CTNNA2: variants seen among roughly 807,000 people sequenced by gnomAD.
The protein encoded by CTNNA2 is catenin alpha 2, also known as catenin alpha-2.
In CTNNA2, 42 loss-of-function variants were observed where a neutral mutation model predicts 101.0. That is an observed-to-expected ratio of 0.42 (90% confidence interval 0.32 to 0.54). CTNNA2 has a LOEUF of 0.54. Among genes scored for constraint, CTNNA2 ranks in the 20% least tolerant of loss-of-function variants. The pLI is 0.14. For synonymous variants in CTNNA2, 450 were observed against 456.4 expected (o/e 0.99, Z 0.18); for missense variants, 871 against 1,223.1 (o/e 0.71, Z 4.29).
chr2:80,141,490 A>G (rs1434441525), intron 7 of CTNNA2, among the ~76,000 whole-genome samples: 1 of 152,080 alleles, frequency 6.6e-6, no homozygotes, highest in Non-Finnish European at 1.5e-5. Flanking sequence ...AAACCACCAA[A>G]GATAAATATC....
chr2:79,328,629 A>G (rs1676801667), intron 3 of CTNNA2, among the ~76,000 whole-genome samples: 4 of 152,290 alleles, frequency 2.6e-5, no homozygotes, highest in East Asian at 1.9e-4. Flanking sequence ...ACACTATTCA[A>G]TGAGGCATCC....
chr2:79,644,480 T>C (rs547613628), intron 1 of CTNNA2, among the ~76,000 whole-genome samples: 2 of 152,322 alleles, frequency 1.3e-5, no homozygotes, highest in Admixed American at 1.3e-4. Context: ...GTAAGATATT[T>C]ACAAGCATAA....
At chr2:79,758,249 C>T (rs767053894) in intron 3 of CTNNA2, among the ~76,000 whole-genome samples, 8 of 151,986 alleles carry the variant, frequency 5.3e-5, no homozygotes, top group Non-Finnish European at 8.8e-5. Flanking sequence ...AAAATGCATT[C>T]GATATAAACA....
intron 14 of CTNNA2, among the ~76,000 whole-genome samples, chr2:80,588,599 C>T (rs1696172097): frequency 6.6e-6 from 1 of 152,172 alleles, no homozygotes; most frequent in Admixed American, 6.5e-5. Flanking sequence ...ATTTTCTTAC[C>T]TAGCAGTTAT....
At chr2:79,280,740 C>T (rs1245510972) in intron 2 of CTNNA2, among the ~76,000 whole-genome samples, 1 of 148,164 alleles carries the variant, frequency 6.7e-6, no homozygotes, top group Non-Finnish European at 1.5e-5. Context: ...TGTTCTTTGC[C>T]ATCCACCCTT....
chr2:80,551,049 T>G (rs1692516343), intron 11 of CTNNA2, among the ~76,000 whole-genome samples: 1 of 152,216 alleles, frequency 6.6e-6, no homozygotes, highest in Admixed American at 6.5e-5. Context: ...ATACATCTGC[T>G]GCAGAATAGA....
intron 7 of CTNNA2, among the ~76,000 whole-genome samples, chr2:80,353,622 C>T (rs1287136203): frequency 6.6e-6 from 1 of 152,140 alleles, no homozygotes; most frequent in African/African-American, 2.4e-5. Flanking sequence ...ATGTTCTAGA[C>T]CTACCTCTGC....
At chr2:79,816,215 C>T in intron 3 of CTNNA2, among the ~76,000 whole-genome samples, 1 of 151,994 alleles carries the variant, frequency 6.6e-6, no homozygotes, top group South Asian at 2.1e-4. Flanking sequence ...GACAGTATGA[C>T]TTCCTCTTTA....
chr2:79,848,996 G>C (rs746343422), intron 3 of CTNNA2, among the ~76,000 whole-genome samples: 8 of 152,096 alleles, frequency 5.3e-5, no homozygotes, highest in Non-Finnish European at 7.4e-5. Context: ...ACCTGACCAC[G>C]GCACTTGGGC....
At chr2:80,133,250 G>A (rs567134335) in intron 7 of CTNNA2, among the ~76,000 whole-genome samples, 34 of 152,232 alleles carry the variant, frequency 2.2e-4, no homozygotes, top group African/African-American at 8.2e-4. Flanking sequence ...TGGAAGAGGC[G>A]AGGAAGGATT....
At chr2:80,040,987 A>G (rs1305295207) in intron 7 of CTNNA2, among the ~76,000 whole-genome samples, 2 of 151,976 alleles carry the variant, frequency 1.3e-5, no homozygotes, top group East Asian at 1.9e-4. Flanking sequence ...AATCCACACA[A>G]TGGAATATGG....
chr2:79,312,431 C>T (rs1483349943), intron 2 of CTNNA2, among the ~76,000 whole-genome samples: 1 of 152,072 alleles, frequency 6.6e-6, no homozygotes, highest in Non-Finnish European at 1.5e-5. Flanking sequence ...CTAACCACGC[C>T]GTTATTCTCA....
chr2:79,538,583 A>G (rs553713179), intron 1 of CTNNA2, among the ~76,000 whole-genome samples: 1 of 152,290 alleles, frequency 6.6e-6, no homozygotes, highest in African/African-American at 2.4e-5. Context: ...TTGAGAGTGG[A>G]AATAGCAGGT....
chr2:79,658,949 TTATA>T (rs1328789137), intron 2 of CTNNA2, among the ~76,000 whole-genome samples: 1 of 152,086 alleles, frequency 6.6e-6, no homozygotes, highest in Non-Finnish European at 1.5e-5. Context: ...AATTAGCACT[TTATA>T]TATTTTAAAA....
At chr2:79,776,850 G>A (rs938197417) in intron 3 of CTNNA2, 1 of 152,168 alleles carries the variant, frequency 6.6e-6, no homozygotes, top group African/African-American at 2.4e-5. Flanking sequence ...TTGCTAAAGA[G>A]CTCTGTCACA....
intron 1 of CTNNA2, among the ~76,000 whole-genome samples, chr2:79,546,156 T>A (rs1290274469): frequency 6.6e-6 from 1 of 152,144 alleles, no homozygotes; most frequent in Admixed American, 6.5e-5. Context: ...AGTGGTTTGT[T>A]TTTTTCATGT....
At chr2:79,783,497 A>T (rs192370419) in intron 3 of CTNNA2, among the ~76,000 whole-genome samples, 6 of 152,202 alleles carry the variant, frequency 3.9e-5, no homozygotes, top group African/African-American at 1.4e-4. Flanking sequence ...TTTATTCTTT[A>T]TACTTGGAAA....
At chr2:79,885,351 T>C (rs1683777512) in intron 6 of CTNNA2, among the ~76,000 whole-genome samples, 1 of 152,222 alleles carries the variant, frequency 6.6e-6, no homozygotes, top group Non-Finnish European at 1.5e-5. Flanking sequence ...TCAATTCTTA[T>C]TGTTCCTAGA....
chr2:80,395,906 A>G (rs1199478931), intron 8 of CTNNA2, among the ~76,000 whole-genome samples: 1 of 152,214 alleles, frequency 6.6e-6, no homozygotes, highest in East Asian at 1.9e-4. Context: ...AAATATTTCT[A>G]GTGACATCCA....
Sources: allele counts gnomAD v4.1 joint callset (sites outside exome capture counted in the v4.1 genomes callset), GRCh38; gene constraint gnomAD v4.1.1; transcripts MANE v1.5; gene names NCBI Gene and HGNC (gene_info 2026-07-23, HGNC 2026-07-21).